Variants in POLI observed in about 807,000 individuals in gnomAD.
The protein encoded by POLI is DNA polymerase iota.
A neutral mutation model predicts 51.6 loss-of-function variants in POLI; 58 were observed. That is an observed-to-expected ratio of 1.12 (90% CI 0.91 to 1.40). The LOEUF (loss-of-function observed/expected upper bound fraction) is 1.40. POLI is among the 40% of genes most tolerant of loss of function. The pLI, the probability that POLI is intolerant of heterozygous loss-of-function variation, is 0.00. For synonymous variants in POLI, 322 were observed against 299.7 expected (o/e 1.07, Z -0.77); for missense variants, 921 against 871.3 (o/e 1.06, Z -0.72).
chr18:54,279,309 C>A (rs1042639570), intron 4 of POLI, among the ~76,000 whole-genome samples: 10 of 137,924 alleles, frequency 7.3e-5, no homozygotes, highest in Non-Finnish European at 1.5e-4. Context: ...GTGATGTGAT[C>A]TCGGCTCACT....
chr18:54,277,241 A>G (rs2144486046), intron 3 of POLI, among the ~76,000 whole-genome samples: 1 of 152,338 alleles, frequency 6.6e-6, no homozygotes, highest in South Asian at 2.1e-4. Context: ...TGTTTTATTC[A>G]GTAATAATTG....
rs779484726 is a variant in POLI at position 54,293,766 on chromosome 18, A to G, written c.1522A>G (p.Asn508Asp). Residue 508 changes from asparagine (N) to aspartate (D), a missense_variant, in exon 10 of 10, where the codon AAT becomes GAT. Coordinates refer to ENST00000579534, the MANE Select transcript of POLI (RefSeq NM_007195.3). ...RTRESPLDTT[N>D]FSKEKDINEF... Reference sequence around the variant, plus strand: ...TAGGGAGTCTCCACTAGATACCACAAATTTTTCTAAAGAAAAAGACATTAA... The same window carrying G: ...TAGGGAGTCTCCACTAGATACCACAGATTTTTCTAAAGAAAAAGACATTAA... 12 of 1,605,150 alleles carry G rather than the reference A, an allele frequency of 7.5e-6. No individual in the cohort carries two copies. Among genetic ancestry groups the G allele is most frequent in the Non-Finnish European group, 9.4e-6 (11 of 1,175,026 alleles).
intron 8 of POLI, chr18:54,291,319 C>T (rs1425828309): frequency 1.3e-5 from 2 of 152,330 alleles, no homozygotes; most frequent in African/African-American, 2.4e-5. Context: ...ATTTTACTGG[C>T]AACACTGCTG....
chr18:54,298,814 C>T (rs2088439291), downstream of POLI, among the ~76,000 whole-genome samples: 1 of 151,900 alleles, frequency 6.6e-6, no homozygotes. Flanking sequence ...ATCTTGAACT[C>T]CTGACCTCGT....
rs534340761 is a variant in POLI at position 54,278,035 on chromosome 18, A to G, written c.559+180A>G. On this transcript the variant is annotated intron_variant, in intron 4 of 9. Transcript: ENST00000579534. ...GTGCTGCTATTCCATAATAAGTGTT[A>G]AGATTTTGATGACATGTAGCTCAAT... 3.9e-4 allele frequency among the ~76,000 whole-genome samples: 60 copies of G among 152,300 alleles called. 1 individual carries two copies. The South Asian group carries it at 4.3e-3, about 11-fold the overall frequency.
Position 54,295,074 on chromosome 18 carries a change from C to T in POLI, c.*607C>T. The T allele has an allele frequency of 6.1e-6, 6 of 985,418 alleles. No homozygotes were observed. Among genetic ancestry groups the T allele is most frequent in the Non-Finnish European group, 6.0e-6 (5 of 829,988 alleles). The allele number at this position is 985,418 out of a possible 1,614,324, so 61.0% of individuals were successfully genotyped here. A position where few individuals can be genotyped will look rare whatever the true frequency, so the allele number is the denominator to read the frequency against. On this transcript the variant is annotated 3_prime_UTR_variant, in exon 10 of 10. Coordinates refer to ENST00000579534, the MANE Select transcript of POLI (RefSeq NM_007195.3). The stretch of plus-strand genomic sequence containing the variant: ...AACATTGAATGAATGAATGGTTTGG[C>T]TAGGGCCAGGGTGGGGAGTTAAAGT...
chr18:54,278,137 G>A (rs753598939), intron 4 of POLI, among the ~76,000 whole-genome samples: 34 of 152,026 alleles, frequency 2.2e-4, no homozygotes, highest in African/African-American at 4.1e-4. Context: ...CAGAGTTTTC[G>A]TCTGACACAG....
Position 54,269,666 on chromosome 18 carries a change from G to T in POLI, c.115+5G>T. Reference sequence around the variant, plus strand: ...GGGCGGCAGCCAGCTCGCAGGGTGCGCCGCAGCCAGAGGAGCCAGCGGCCT... The same window carrying T: ...GGGCGGCAGCCAGCTCGCAGGGTGCTCCGCAGCCAGAGGAGCCAGCGGCCT... On this transcript the variant is annotated splice_donor_5th_base_variant and intron_variant, in intron 1 of 9. Coordinates refer to ENST00000579534, the MANE Select transcript of POLI (RefSeq NM_007195.3). 2 of 1,501,482 alleles carry T rather than the reference G, an allele frequency of 1.3e-6. No individual in the cohort carries two copies. Among genetic ancestry groups the T allele is most frequent in the South Asian group, 1.2e-5 (1 of 80,882 alleles). The allele number at this position is 1,501,482 out of a possible 1,614,324, so 93.0% of individuals were successfully genotyped here.
chr18:54,294,537 C>T lies in POLI; in HGVS notation c.*70C>T. ...TTTCGGATTAGCGGTTTATTAAGCT[C>T]TTCTATATTAAACACTAATAGATAT... On this transcript the variant is annotated 3_prime_UTR_variant, in exon 10 of 10. Coordinates refer to ENST00000579534, the MANE Select transcript of POLI (RefSeq NM_007195.3). 23 of 1,476,568 alleles carry T rather than the reference C, an allele frequency of 1.6e-5. No individual in the cohort carries two copies. Among genetic ancestry groups the T allele is most frequent in the Non-Finnish European group, 1.7e-5 (19 of 1,119,592 alleles). The allele number at this position is 1,476,568 out of a possible 1,614,324, so 91.5% of individuals were successfully genotyped here.
chr18:54,282,959 C>CA lies in POLI; in HGVS notation c.923dup (p.Leu309AlafsTer7). 1 of 1,610,798 alleles carries CA rather than the reference C, an allele frequency of 6.2e-7. No homozygotes were observed. Among genetic ancestry groups the CA allele is most frequent in the South Asian group, 1.1e-5 (1 of 90,476 alleles). The stretch of plus-strand genomic sequence containing the variant: ...AGGAATTTCAGTTGCTCAGCGTATC[C>CA]AAAAGCTCAGTTTTGGAGAGGATAA... On this transcript the variant is annotated frameshift_variant, in exon 6 of 10. Transcript: ENST00000579534. LOFTEE classifies it high-confidence loss of function.
intron 3 of POLI, among the ~76,000 whole-genome samples, chr18:54,274,658 G>A (rs1304214886): frequency 1.3e-5 from 2 of 152,050 alleles, no homozygotes; most frequent in Non-Finnish European, 2.9e-5. Context: ...CAGGAAAAAT[G>A]AAAATGAGTG....
chr18:54,286,881 T>G (rs1251856096), intron 7 of POLI, among the ~76,000 whole-genome samples: 1 of 152,028 alleles, frequency 6.6e-6, no homozygotes, highest in Non-Finnish European at 1.5e-5. Flanking sequence ...GAGGTGAAGG[T>G]TGCAGTGAGC....
Position 54,293,954 on chromosome 18 carries a change from T to A in POLI, c.1710T>A (p.Ser570=). The stretch of plus-strand genomic sequence containing the variant: ...TACATGCCTCTAGAGGAGTATTATC[T>A]TTCTTTTCTAAAAAACAAATGCAAG... ...CPLHASRGVL[S]FFSKKQMQDI... Residue 570 remains serine, a synonymous_variant, in exon 10 of 10, where the codon TCT becomes TCA. Coordinates refer to ENST00000579534, the MANE Select transcript of POLI (RefSeq NM_007195.3). 6.2e-7 allele frequency: 1 copy of A among 1,612,918 alleles called. No individual in the cohort carries two copies. The highest frequency in any genetic ancestry group is 8.5e-7 in the Non-Finnish European group (1 of 1,179,138).
At chr18:54,302,553 G>A (rs796971025), downstream of POLI, among the ~76,000 whole-genome samples, 16 of 152,234 alleles carry the variant, frequency 1.1e-4, no homozygotes, top group African/African-American at 3.9e-4. Context: ...GGCATGCAAT[G>A]CATAATAATC....
At chr18:54,311,884 G>A (rs992955104) in intron 3 of POLI, among the ~76,000 whole-genome samples, 5 of 152,140 alleles carry the variant, frequency 3.3e-5, no homozygotes, top group African/African-American at 4.8e-5. Context: ...CAGGATTAAT[G>A]ATTCTAGCCA....
intron 3 of POLI, among the ~76,000 whole-genome samples, chr18:54,308,574 C>T (rs1054760221): frequency 9.3e-6 from 1 of 107,678 alleles, no homozygotes; most frequent in African/African-American, 4.5e-5. Flanking sequence ...GGTTGCTCTT[C>T]TCGAGGAGTA....
In POLI at chr18:54,277,831, T is replaced by C. The variant is rs1191856274; in HGVS notation, c.535T>C (p.Ser179Pro). Residue 179 changes from serine (S) to proline (P), a missense_variant, in exon 4 of 10, where the codon TCG becomes CCG. Ser to Pro is a moderately conservative substitution (Grantham distance 74). Transcript: ENST00000579534. ...TGATGAACTTTCTGCGGTGACTGTG[T>C]CGGGTCATGTATACAATAATCAGTG... Reference protein sequence around the residue: ...QSDELSAVTVSGHVYNNQSIN... With the variant: ...QSDELSAVTVPGHVYNNQSIN... The C allele has an allele frequency of 6.2e-7, 1 of 1,612,680 alleles. No homozygotes were observed. The highest frequency in any genetic ancestry group is 1.3e-5 in the African/African-American group (1 of 74,902).
At chr18:54,315,189 T>C (rs1424028937) in intron 3 of POLI, among the ~76,000 whole-genome samples, 4 of 152,160 alleles carry the variant, frequency 2.6e-5, no homozygotes, top group Non-Finnish European at 4.4e-5. Flanking sequence ...TCAAAGATTT[T>C]TGGATATCTG....
At chr18:54,287,108 G>T (rs796539979) in intron 7 of POLI, among the ~76,000 whole-genome samples, 173 bp from the exon 8 acceptor site, 1 of 152,272 alleles carries the variant, frequency 6.6e-6, no homozygotes, top group African/African-American at 2.4e-5. Flanking sequence ...CATAGACTTT[G>T]TGATGATTAT....
Sources: allele counts gnomAD v4.1 joint callset (sites outside exome capture counted in the v4.1 genomes callset), GRCh38; gene constraint gnomAD v4.1.1; transcripts MANE v1.5; gene names NCBI Gene and HGNC (gene_info 2026-07-23, HGNC 2026-07-21).